Variants in TRIM9 observed in about 807,000 individuals in gnomAD.
TRIM9 encodes tripartite motif containing 9.
Under a neutral mutation model 78.3 loss-of-function variants are expected in TRIM9, and 26 were observed. The observed-to-expected ratio is 0.33, with a 90% CI of 0.24 to 0.46. TRIM9 has a LOEUF of 0.46. TRIM9 is among the 20% of genes least tolerant of loss of function. The pLI, the probability that TRIM9 is intolerant of heterozygous loss-of-function variation, is 1.00. For missense variants in TRIM9, 787 were observed against 1,036.4 expected, an observed-to-expected ratio of 0.76 and a Z score of 3.30; for synonymous variants, 398 against 416.5, an observed-to-expected ratio of 0.96 and a Z score of 0.54.
chr14:51,024,401 G>T (rs1485752833), intron 2 of TRIM9, among the ~76,000 whole-genome samples: 1 of 152,220 alleles, frequency 6.6e-6, no homozygotes, highest in Non-Finnish European at 1.5e-5. Flanking sequence ...AGAAATCAGT[G>T]TGTAATTCTT....
intron 1 of TRIM9, among the ~76,000 whole-genome samples, chr14:51,047,067 C>G (rs1036902872): frequency 2.0e-5 from 3 of 152,164 alleles, no homozygotes; most frequent in African/African-American, 7.2e-5. Context: ...TGTCATTTAT[C>G]TGCATAGTGT....
intron 3 of TRIM9, among the ~76,000 whole-genome samples, chr14:51,016,430 G>C (rs976336618): frequency 6.6e-6 from 1 of 151,914 alleles, no homozygotes; most frequent in Non-Finnish European, 1.5e-5. Flanking sequence ...CTGATGATCT[G>C]AGGTGGAACA....
chr14:51,009,649 A>C (rs1566573750), intron 4 of TRIM9, among the ~76,000 whole-genome samples: 2 of 152,334 alleles, frequency 1.3e-5, no homozygotes, highest in East Asian at 3.9e-4. Flanking sequence ...AGTTTCATAA[A>C]ATAGTTTAGT....
intron 7 of TRIM9, chr14:50,996,957 C>T: frequency 1.0e-6 from 1 of 985,318 alleles, no homozygotes; most frequent in South Asian, 4.7e-5. Flanking sequence ...CCATGTGAAG[C>T]ATTTTAGGGT....
intron 1 of TRIM9, chr14:51,090,743 A>T (rs1277719261): frequency 6.6e-6 from 1 of 152,246 alleles, no homozygotes; most frequent in Non-Finnish European, 1.5e-5. Flanking sequence ...ACTACAAGGC[A>T]TGCACCACCA....
intron 1 of TRIM9, among the ~76,000 whole-genome samples, chr14:51,031,723 G>C (rs1030868824): frequency 5.9e-5 from 9 of 152,002 alleles, no homozygotes; most frequent in African/African-American, 2.2e-4. Flanking sequence ...ACTTTAATTA[G>C]TGTCCAGCTA....
At chr14:51,068,691 T>C (rs557476368) in intron 1 of TRIM9, among the ~76,000 whole-genome samples, 147 of 152,268 alleles carry the variant, frequency 9.7e-4, no homozygotes, top group Non-Finnish European at 1.3e-3. Flanking sequence ...GGGTGGGTTA[T>C]GAGTTGAGAA....
At chr14:50,987,031 G>A (rs2052803875) in intron 7 of TRIM9, among the ~76,000 whole-genome samples, 1 of 152,224 alleles carries the variant, frequency 6.6e-6, no homozygotes, top group African/African-American at 2.4e-5. Flanking sequence ...CTGGTTCTAT[G>A]CACGGTGTGG....
chr14:50,982,591 C>G (rs767901331), intron 10 of TRIM9: 8 of 332,506 alleles, frequency 2.4e-5, no homozygotes, highest in Non-Finnish European at 4.5e-5. Flanking sequence ...AAGTCTTCCT[C>G]GGCTCTAGTG....
intron 8 of TRIM9, among the ~76,000 whole-genome samples, chr14:50,984,890 C>A (rs1465115637): frequency 2.0e-5 from 3 of 152,100 alleles, no homozygotes; most frequent in Non-Finnish European, 4.4e-5. Flanking sequence ...TGTTGGGAAG[C>A]CATAGTGCAC....
At chr14:50,997,109 G>A in intron 7 of TRIM9, 1 of 985,334 alleles carries the variant, frequency 1.0e-6, no homozygotes. Context: ...AGGTGGGGGG[G>A]TGATTTCTTT....
chr14:51,086,613 T>C (rs1349741699), intron 1 of TRIM9, among the ~76,000 whole-genome samples: 2 of 152,196 alleles, frequency 1.3e-5, no homozygotes, highest in East Asian at 3.8e-4. Flanking sequence ...AATTGAGTTA[T>C]TAGGGTTCAG....
chr14:51,041,475 G>A (rs1305622524), intron 1 of TRIM9, among the ~76,000 whole-genome samples: 1 of 152,220 alleles, frequency 6.6e-6, no homozygotes, highest in Non-Finnish European at 1.5e-5. Context: ...GAATGTCAAT[G>A]ATGTTTCAAT....
intron 10 of TRIM9, chr14:50,982,679 T>G: frequency 2.1e-6 from 1 of 479,260 alleles, no homozygotes; most frequent in Non-Finnish European, 3.8e-6. Flanking sequence ...TAGGACAGGT[T>G]GCTGTCTGCA....
At chr14:50,977,686 C>T (rs931161569) in intron 12 of TRIM9, among the ~76,000 whole-genome samples, 1 of 152,158 alleles carries the variant, frequency 6.6e-6, no homozygotes, top group Non-Finnish European at 1.5e-5. Flanking sequence ...ACCACAGTGA[C>T]CACTGCCAAA....
intron 1 of TRIM9, among the ~76,000 whole-genome samples, chr14:51,060,953 T>C (rs1262860110): frequency 6.6e-6 from 1 of 152,256 alleles, no homozygotes; most frequent in African/African-American, 2.4e-5. Flanking sequence ...TAACATTTGC[T>C]ACTGTGAGTC....
chr14:50,991,784 G>A (rs765248056), intron 7 of TRIM9, among the ~76,000 whole-genome samples: 10 of 152,136 alleles, frequency 6.6e-5, no homozygotes, highest in Non-Finnish European at 1.2e-4. Flanking sequence ...TAAGTCCATG[G>A]TTTTAGAGAT....
At chr14:51,085,639 G>A (rs2063681896) in intron 1 of TRIM9, among the ~76,000 whole-genome samples, 1 of 152,154 alleles carries the variant, frequency 6.6e-6, no homozygotes, top group African/African-American at 2.4e-5. Context: ...AACATGTTTT[G>A]TGTTTTCAAA....
At chr14:50,977,606 C>T (rs1003621484) in intron 12 of TRIM9, among the ~76,000 whole-genome samples, 14 of 152,022 alleles carry the variant, frequency 9.2e-5, no homozygotes, top group Non-Finnish European at 1.9e-4. Context: ...TAAAGGATTC[C>T]GGGGAGATTG....
Sources: allele counts gnomAD v4.1 joint callset (sites outside exome capture counted in the v4.1 genomes callset), GRCh38; gene constraint gnomAD v4.1.1; transcripts MANE v1.5; gene names NCBI Gene and HGNC (gene_info 2026-07-23, HGNC 2026-07-21).